Variants in DENND1B observed in about 807,000 individuals in gnomAD.
The protein encoded by DENND1B is DENN domain-containing protein 1B.
In DENND1B, 59 loss-of-function variants were observed where a neutral mutation model predicts 90.1. The observed-to-expected ratio is 0.65, with a 90% CI of 0.53 to 0.81. DENND1B has a LOEUF of 0.81. DENND1B is among the 40% of genes least tolerant of loss of function. The pLI is 0.00. For synonymous variants in DENND1B, 337 were observed against 324.6 expected, an observed-to-expected ratio of 1.04 and a Z score of -0.41; for missense variants, 862 against 912.6, an observed-to-expected ratio of 0.94 and a Z score of 0.71.
intron 15 of DENND1B, among the ~76,000 whole-genome samples, chr1:197,573,797 A>G (rs1440820666): frequency 6.6e-6 from 1 of 152,198 alleles, no homozygotes; most frequent in Non-Finnish European, 1.5e-5. Flanking sequence ...CTGGTTTAAT[A>G]TACGCAAATC....
At chr1:197,536,226 C>T (rs1380296818) in intron 20 of DENND1B, among the ~76,000 whole-genome samples, 1 of 150,040 alleles carries the variant, frequency 6.7e-6, no homozygotes, top group East Asian at 2.0e-4. Context: ...TGATATTCTT[C>T]CCTGATTACT....
chr1:197,531,202 A>C (rs1669586125), intron 20 of DENND1B, among the ~76,000 whole-genome samples: 2 of 152,218 alleles, frequency 1.3e-5, no homozygotes, highest in African/African-American at 4.8e-5. Context: ...CTGTTATCAA[A>C]AAACTGTCCA....
intron 10 of DENND1B, among the ~76,000 whole-genome samples, chr1:197,634,710 G>A (rs1265763879): frequency 2.6e-5 from 4 of 152,174 alleles, no homozygotes; most frequent in African/African-American, 7.2e-5. Context: ...TGCCTAGGCC[G>A]GGCACAGTAG....
intron 2 of DENND1B, among the ~76,000 whole-genome samples, chr1:197,752,278 TA>T (rs913874066): frequency 5.3e-5 from 8 of 152,034 alleles, no homozygotes; most frequent in Non-Finnish European, 1.2e-4. Flanking sequence ...CTTTCACAAT[TA>T]AATAAAATTC....
chr1:197,593,970 C>G (rs1675462747), intron 14 of DENND1B, among the ~76,000 whole-genome samples: 1 of 152,086 alleles, frequency 6.6e-6, no homozygotes, highest in South Asian at 2.1e-4. Context: ...ATATGCCCTA[C>G]TGTAGTATAG....
intron 16 of DENND1B, chr1:197,552,514 C>T (rs1379961579): frequency 6.1e-6 from 6 of 985,236 alleles, no homozygotes; most frequent in Non-Finnish European, 7.2e-6. Flanking sequence ...AAACTGGAAA[C>T]TTTCTTAATG....
At chr1:197,730,544 A>G (rs1416760299) in intron 2 of DENND1B, among the ~76,000 whole-genome samples, 1 of 152,140 alleles carries the variant, frequency 6.6e-6, no homozygotes, top group East Asian at 1.9e-4. Flanking sequence ...TCAGGGGGCC[A>G]TTATTTTTTA....
intron 14 of DENND1B, among the ~76,000 whole-genome samples, chr1:197,589,134 T>C (rs1246644262): frequency 2.0e-5 from 3 of 152,100 alleles, no homozygotes; most frequent in Non-Finnish European, 4.4e-5. Flanking sequence ...TTGTTCATAC[T>C]ATTAAAAATT....
chr1:197,705,556 T>C (rs1380990113), intron 3 of DENND1B, among the ~76,000 whole-genome samples: 3 of 151,532 alleles, frequency 2.0e-5, no homozygotes, highest in Non-Finnish European at 4.4e-5. Flanking sequence ...ACCTGACAAG[T>C]ACATTATCAC....
rs1668379621 is a variant in DENND1B, at chr1:197,516,105, A to G, written c.1516-3152T>C. Among the ~76,000 whole-genome samples the G allele has an allele frequency of 3.3e-5, 5 of 151,844 alleles. No individual in the cohort carries two copies. The South Asian group carries it at 1.0e-3, about 31-fold the overall frequency. On this transcript the variant is annotated intron_variant, in intron 20 of 22. Coordinates refer to ENST00000620048, the MANE Select transcript of DENND1B (RefSeq NM_001195215.2). ...ACAAGCATTCTATCCATTTCTATATAGGGATGTTAAACAGTATATCTTATG... is the reference window on the plus strand; with the variant it reads ...ACAAGCATTCTATCCATTTCTATATGGGGATGTTAAACAGTATATCTTATG...
chr1:197,664,464 T>C (rs1453928734), intron 5 of DENND1B, among the ~76,000 whole-genome samples: 1 of 152,076 alleles, frequency 6.6e-6, no homozygotes, highest in Non-Finnish European at 1.5e-5. Flanking sequence ...TTCCTTAATT[T>C]TCTGTAAAGA....
chr1:197,746,471 C>T (rs1462868337), intron 2 of DENND1B, among the ~76,000 whole-genome samples: 1 of 152,092 alleles, frequency 6.6e-6, no homozygotes, highest in Non-Finnish European at 1.5e-5. Flanking sequence ...TGATTTTATA[C>T]CATGGGTCTA....
intron 3 of DENND1B, among the ~76,000 whole-genome samples, chr1:197,681,253 T>A (rs1656660653): frequency 3.9e-5 from 6 of 152,296 alleles, no homozygotes; most frequent in Middle Eastern, 6.8e-3. Flanking sequence ...TTTGAATATA[T>A]GCAACTACTT....
At chr1:197,589,579 G>A (rs1675005734) in intron 14 of DENND1B, among the ~76,000 whole-genome samples, 1 of 152,114 alleles carries the variant, frequency 6.6e-6, no homozygotes, top group South Asian at 2.1e-4. Context: ...TAAATGTTAA[G>A]ACAAAGATTT....
intron 18 of DENND1B, among the ~76,000 whole-genome samples, chr1:197,542,181 T>C (rs1189496991): frequency 6.6e-6 from 1 of 152,190 alleles, no homozygotes; most frequent in South Asian, 2.1e-4. Flanking sequence ...GAAAGATGAC[T>C]CTGAAAACCG....
chr1:197,537,628 G>A (rs1670010538), intron 20 of DENND1B, among the ~76,000 whole-genome samples: 1 of 151,808 alleles, frequency 6.6e-6, no homozygotes, highest in African/African-American at 2.4e-5. Flanking sequence ...TAATCATTTC[G>A]TTATGTATAT....
chr1:197,642,552 C>T (rs16841842), intron 10 of DENND1B, among the ~76,000 whole-genome samples, 159 bp downstream of exon 10: 1 of 152,028 alleles, frequency 6.6e-6, no homozygotes, highest in African/African-American at 2.4e-5. Context: ...ATAAATCAGA[C>T]TTTTGTACTT....
intron 20 of DENND1B, among the ~76,000 whole-genome samples, chr1:197,530,943 T>C (rs950844579): frequency 1.3e-5 from 2 of 152,172 alleles, no homozygotes; most frequent in Admixed American, 6.5e-5. Context: ...TTTCTAACTA[T>C]CCCTCTTCTA....
At chr1:197,676,818 G>T (rs1029395692) in intron 3 of DENND1B, among the ~76,000 whole-genome samples, 1 of 151,992 alleles carries the variant, frequency 6.6e-6, no homozygotes, top group African/African-American at 2.4e-5. Context: ...TATTTTGGGG[G>T]GTTTTGGGTT....
Sources: allele counts gnomAD v4.1 joint callset (sites outside exome capture counted in the v4.1 genomes callset), GRCh38; gene constraint gnomAD v4.1.1; transcripts MANE v1.5; gene names NCBI Gene and HGNC (gene_info 2026-07-23, HGNC 2026-07-21).